RBKS: variants seen among roughly 807,000 people sequenced by gnomAD.
RBKS encodes ribokinase.
A neutral mutation model predicts 33.9 loss-of-function variants in RBKS; 33 were observed. The observed-to-expected ratio is 0.97, with a 90% CI of 0.74 to 1.30. The LOEUF is 1.30. Among genes scored for constraint, RBKS ranks in the 50% most tolerant of loss-of-function variants. The pLI is 0.00. For missense variants in RBKS, 361 were observed against 392.6 expected (o/e 0.92, Z 0.68); for synonymous variants, 125 against 143.0 (o/e 0.87, Z 0.90).
At position 27,832,668 on chromosome 2, in the gene RBKS, A is replaced by G. The variant is rs1678442063; in HGVS notation, c.606+18T>C. On this transcript the variant is annotated intron_variant, in intron 6 of 7. Coordinates refer to ENST00000302188, the MANE Select transcript of RBKS (RefSeq NM_022128.3). ...ACTTTTGGTTTCTCATAGAATGAGCAAAGCAATTCACCCTTACCTCACTTT... is the reference window on the plus strand; with the variant it reads ...ACTTTTGGTTTCTCATAGAATGAGCGAAGCAATTCACCCTTACCTCACTTT... 4.5e-6 allele frequency: 7 copies of G among 1,559,978 alleles called. No homozygotes were observed. Among genetic ancestry groups the G allele is most frequent in the Non-Finnish European group, 6.2e-6 (7 of 1,130,810 alleles).
At position 27,862,831 on chromosome 2, in the gene RBKS, T is replaced by C. The variant is rs186871164; in HGVS notation, c.90-4260A>G. 2.0e-4 allele frequency among the ~76,000 whole-genome samples: 31 copies of C among 152,348 alleles called. No individual in the cohort carries two copies. The East Asian group carries it at 5.2e-3, about 26-fold the overall frequency. ...AGAGTGGAGAGAGCAACTAGGAAGT[T>C]AGTTACAAACAGGCAGAAGCATTTC... On this transcript the variant is annotated intron_variant, in intron 1 of 7. Coordinates refer to ENST00000302188, the MANE Select transcript of RBKS (RefSeq NM_022128.3).
Position 27,810,554 on chromosome 2 carries a change from T to G in RBKS, c.795+17013A>C, listed in dbSNP as rs1677970624. Among the ~76,000 whole-genome samples the G allele has an allele frequency of 6.6e-6, 1 of 152,218 alleles. No homozygotes were observed. The highest frequency in any genetic ancestry group is 2.4e-5 in the African/African-American group (1 of 41,452). ...CACTGATGACAGGAACTCTTTCTAG[T>G]GGGAGTAGGTTTTAGCCTTTATGTG... On this transcript the variant is annotated intron_variant, in intron 7 of 7. Coordinates refer to ENST00000302188, the MANE Select transcript of RBKS (RefSeq NM_022128.3). The surrounding 1 kb of genome is among the most constrained non-coding windows in gnomAD (Gnocchi z 4.4).
chr2:27,806,796 C>T (rs72853261), intron 7 of RBKS, among the ~76,000 whole-genome samples: 7,642 of 152,240 alleles, frequency 0.05, 625 homozygotes, highest in African/African-American at 0.17. Context: ...ACTGGAATCG[C>T]CTGGAGGGTT....
chr2:27,887,718 TGA>T (rs1664567319), intron 1 of RBKS, among the ~76,000 whole-genome samples: 1 of 105,118 alleles, frequency 9.5e-6, no homozygotes, highest in East Asian at 2.2e-4. Context: ...TTTTTACTAG[TGA>T]TTTTGCTAAT....
chr2:27,876,545 T>G (rs1664319335), intron 1 of RBKS, among the ~76,000 whole-genome samples: 1 of 152,144 alleles, frequency 6.6e-6, no homozygotes, highest in South Asian at 2.1e-4. Context: ...TTATGCTAAG[T>G]GAAATAAGTA....
rs1663657320 is a variant in RBKS, at chr2:27,848,066, A to G, written c.254T>C (p.Ile85Thr). 2 of 1,506,752 alleles carry G rather than the reference A, an allele frequency of 1.3e-6. No homozygotes were observed. Among genetic ancestry groups the G allele is most frequent in the African/African-American group, 1.4e-5 (1 of 72,746 alleles). 93.3% of individuals were successfully genotyped at this position (1,506,752 alleles called of 1,614,324 possible). Residue 85 changes from isoleucine (I) to threonine (T), a missense_variant, in exon 3 of 8, where the codon ATA (isoleucine) becomes ACA (threonine). Transcript: ENST00000302188. ...VGKDSFGNDYIENLKQNDIST... is the reference protein window; with the variant it reads ...VGKDSFGNDYTENLKQNDIST... ...AATATCATTCTGTTTTAAGTTTTCT[A>G]TATAATCATTGCCAAAAGAATCTTT... is the stretch of plus-strand genomic sequence containing the variant.
chr2:27,797,042 T>C (rs72853243), intron 7 of RBKS, among the ~76,000 whole-genome samples: 3,041 of 152,298 alleles, frequency 0.02, 107 homozygotes, highest in African/African-American at 0.069. Context: ...GCTGTGGAGC[T>C]GGCATAAATG....
chr2:27,858,225 A>G (rs921247533), intron 2 of RBKS, among the ~76,000 whole-genome samples: 1 of 152,178 alleles, frequency 6.6e-6, no homozygotes. Context: ...AATGAGGAGG[A>G]ACTGCTTAAG....
chr2:27,858,122 T>C (rs1179434841), intron 2 of RBKS, among the ~76,000 whole-genome samples: 2 of 152,202 alleles, frequency 1.3e-5, no homozygotes, highest in South Asian at 2.1e-4. Flanking sequence ...TGTCACATAA[T>C]ATATATTCCA....
chr2:27,816,614 T>G (rs922420734), intron 7 of RBKS, among the ~76,000 whole-genome samples: 1 of 151,994 alleles, frequency 6.6e-6, no homozygotes, highest in African/African-American at 2.4e-5. Context: ...TGTTTTTTTG[T>G]TTTTTTGTTT....
intron 5 of RBKS, among the ~76,000 whole-genome samples, chr2:27,834,602 A>G (rs1678480101): frequency 6.6e-6 from 1 of 152,162 alleles, no homozygotes; most frequent in Non-Finnish European, 1.5e-5. Flanking sequence ...AGAGATGTCA[A>G]TTACACATAA....
At chr2:27,814,954 C>T (rs1678058796) in intron 7 of RBKS, among the ~76,000 whole-genome samples, 3 of 152,220 alleles carry the variant, frequency 2.0e-5, no homozygotes, top group Admixed American at 1.3e-4. Context: ...CACATAAGCA[C>T]ATGACATTCA....
intron 7 of RBKS, among the ~76,000 whole-genome samples, chr2:27,797,031 C>T (rs747857448): frequency 2.6e-5 from 4 of 152,202 alleles, no homozygotes; most frequent in African/African-American, 9.7e-5. Flanking sequence ...CTCTAATAAA[C>T]GCTGTGGAGC....
At chr2:27,877,652 C>G (rs1314897748) in intron 1 of RBKS, among the ~76,000 whole-genome samples, 1 of 152,142 alleles carries the variant, frequency 6.6e-6, no homozygotes, top group Non-Finnish European at 1.5e-5. Flanking sequence ...ACTCTACCTT[C>G]TAGGTCTTGT....
rs531725598 is a variant in RBKS at position 27,835,194 on chromosome 2, T to C, written c.515-2417A>G. Among the ~76,000 whole-genome samples the C allele has an allele frequency of 1.3e-4, 20 of 151,522 alleles. No homozygotes were observed. The South Asian group carries it at 3.3e-3, about 25-fold the overall frequency. On this transcript the variant is annotated intron_variant, in intron 5 of 7. Coordinates refer to ENST00000302188, the MANE Select transcript of RBKS (RefSeq NM_022128.3). Reference sequence around the variant, plus strand: ...CAGAGGCTGGGGCAGGAGAATCGCTTGAACCCGGGAGGTGGAGGCTACAGT... The same window carrying C: ...CAGAGGCTGGGGCAGGAGAATCGCTCGAACCCGGGAGGTGGAGGCTACAGT...
intron 1 of RBKS, among the ~76,000 whole-genome samples, chr2:27,859,867 A>C (rs1202525440): frequency 6.6e-6 from 1 of 152,224 alleles, no homozygotes; most frequent in African/African-American, 2.4e-5. Flanking sequence ...GAACAGAGCA[A>C]TGACAAGTCC....
intron 7 of RBKS, among the ~76,000 whole-genome samples, chr2:27,801,961 AAAATATAT>A (rs1178617108): frequency 3.1e-5 from 2 of 63,876 alleles, no homozygotes; most frequent in Non-Finnish European, 6.2e-5. Flanking sequence ...AAAAAAAAAA[AAAATATAT>A]ATATATATAT....
intron 7 of RBKS, among the ~76,000 whole-genome samples, chr2:27,817,516 G>A (rs923844995): frequency 1.3e-5 from 2 of 152,148 alleles, no homozygotes; most frequent in African/African-American, 4.8e-5. Flanking sequence ...CTGCTATAAA[G>A]AAATACCCAA....
chr2:27,841,070 C>T (rs889897911), intron 5 of RBKS, among the ~76,000 whole-genome samples: 4 of 152,162 alleles, frequency 2.6e-5, no homozygotes, highest in South Asian at 2.1e-4. Flanking sequence ...GGCCCACTGT[C>T]ACCTACCCCG....
Sources: gnomAD v4.1 joint callset for allele counts (sites outside exome capture counted in the v4.1 genomes callset) on GRCh38, gnomAD v4.1.1 for gene constraint, Gnocchi (gnomAD v3.1) non-coding constraint, MANE v1.5 for transcripts, NCBI Gene and HGNC (gene_info 2026-07-23, HGNC 2026-07-21) for gene names.